Variants in TMTC2 observed in about 807,000 individuals in gnomAD.
TMTC2 encodes the protein protein O-mannosyl-transferase TMTC2.
In TMTC2, 43 loss-of-function variants were observed where a neutral mutation model predicts 82.4. The observed-to-expected ratio is 0.52, with a 90% CI of 0.41 to 0.67. The LOEUF is 0.67. Ranked by LOEUF, TMTC2 falls within the 30% of genes least tolerant of loss-of-function variation. The probability of loss-of-function intolerance (pLI) is 0.00; values close to 1 mark genes in which losing one functional copy is unlikely to be tolerated. For synonymous variants in TMTC2, 408 were observed against 381.9 expected, an observed-to-expected ratio of 1.07 and a Z score of -0.80; for missense variants, 919 against 1,012.4, an observed-to-expected ratio of 0.91 and a Z score of 1.25.
chr12:83,065,563 A>G (rs893820377), intron 11 of TMTC2, among the ~76,000 whole-genome samples: 1 of 151,954 alleles, frequency 6.6e-6, no homozygotes, highest in Non-Finnish European at 1.5e-5. Flanking sequence ...AAACCTTATA[A>G]TACATTAAAA....
intron 1 of TMTC2, among the ~76,000 whole-genome samples, chr12:82,816,683 G>A (rs1868752787): frequency 6.6e-6 from 1 of 152,062 alleles, no homozygotes; most frequent in African/African-American, 2.4e-5. Context: ...GCAAAGATTA[G>A]GAGGAGAGGA....
At position 83,132,194 on chromosome 12, in the gene TMTC2, C is replaced by T. The variant is rs1254986603; in HGVS notation, c.2332-16C>T. The T allele has an allele frequency of 6.3e-7, 1 of 1,578,626 alleles. No homozygotes were observed. The highest frequency in any genetic ancestry group is 2.3e-5 in the East Asian group (1 of 44,010). ...AAATGGCCTCCTAATTGTTTTCCTT[C>T]TTTCTCTTGTTGCAGTATCCGGCTG... On this transcript the variant is annotated splice_polypyrimidine_tract_variant and intron_variant, in intron 11 of 11. Coordinates refer to ENST00000321196, the MANE Select transcript of TMTC2 (RefSeq NM_152588.3).
intron 1 of TMTC2, among the ~76,000 whole-genome samples, chr12:82,742,004 G>C (rs1875434364): frequency 6.6e-6 from 1 of 152,142 alleles, no homozygotes; most frequent in African/African-American, 2.4e-5. Flanking sequence ...CCTTCTCCCA[G>C]TCATCATGTA....
chr12:82,788,196 G>T (rs114647901), intron 1 of TMTC2, among the ~76,000 whole-genome samples: 222 of 151,940 alleles, frequency 1.5e-3, no homozygotes, highest in African/African-American at 5.2e-3. Flanking sequence ...TATTATTTTG[G>T]CAACATCTTT....
chr12:82,973,826 A>G (rs2137317117), intron 7 of TMTC2, among the ~76,000 whole-genome samples: 1 of 151,990 alleles, frequency 6.6e-6, no homozygotes, highest in South Asian at 2.1e-4. Context: ...GTAGGTCTAA[A>G]TGTCACTTGC....
At chr12:82,837,378 C>G (rs911319848) in intron 1 of TMTC2, among the ~76,000 whole-genome samples, 1 of 152,116 alleles carries the variant, frequency 6.6e-6, no homozygotes, top group Non-Finnish European at 1.5e-5. Context: ...GAGGCTGAGG[C>G]TGGATGATCC....
intron 4 of TMTC2, among the ~76,000 whole-genome samples, chr12:82,940,802 G>C (rs1001320747): frequency 6.6e-6 from 1 of 151,518 alleles, no homozygotes; most frequent in Non-Finnish European, 1.5e-5. Context: ...GAGGTTTCTG[G>C]ATACCTCTCC....
chr12:82,980,871 A>T (rs1878885820), intron 7 of TMTC2, among the ~76,000 whole-genome samples: 1 of 151,878 alleles, frequency 6.6e-6, no homozygotes, highest in African/African-American at 2.4e-5. Context: ...TGTCTATGTT[A>T]CTACATTTTT....
chr12:82,832,450 A>T (rs1184963055), intron 1 of TMTC2, among the ~76,000 whole-genome samples: 1 of 152,010 alleles, frequency 6.6e-6, no homozygotes, highest in Non-Finnish European at 1.5e-5. Flanking sequence ...ATATTATACT[A>T]TTGTACACTG....
At chr12:82,776,808 C>T (rs955201116) in intron 1 of TMTC2, among the ~76,000 whole-genome samples, 1 of 151,970 alleles carries the variant, frequency 6.6e-6, no homozygotes. Context: ...GGTTGTGGCT[C>T]ACACCTGTAG....
At chr12:83,031,016 C>A in intron 9 of TMTC2, 137 bp downstream of exon 9, 1 of 599,216 alleles carries the variant, frequency 1.7e-6, no homozygotes, top group East Asian at 2.8e-5. Flanking sequence ...ATGCTATATT[C>A]CTACCTTCTC....
At chr12:82,842,349 A>C (rs11115458) in intron 1 of TMTC2, among the ~76,000 whole-genome samples, 33,840 of 152,056 alleles carry the variant, frequency 0.22, 8,841 homozygotes, top group African/African-American at 0.64. Flanking sequence ...GGCCCCATTG[A>C]GTGATTCAAA....
chr12:82,770,056 GTTTAA>G (rs1877203155), intron 1 of TMTC2, among the ~76,000 whole-genome samples: 1 of 152,122 alleles, frequency 6.6e-6, no homozygotes, highest in African/African-American at 2.4e-5. Context: ...TACTACGAGA[GTTTAA>G]TTTGTGTGTG....
chr12:82,744,227 C>G (rs1235116061), intron 1 of TMTC2, among the ~76,000 whole-genome samples: 5 of 152,172 alleles, frequency 3.3e-5, no homozygotes, highest in Non-Finnish European at 7.3e-5. Context: ...TGAGACCATT[C>G]TCGCCAACCA....
chr12:82,711,923 A>G (rs1212933527), intron 1 of TMTC2, among the ~76,000 whole-genome samples: 1 of 152,184 alleles, frequency 6.6e-6, no homozygotes, highest in Non-Finnish European at 1.5e-5. Context: ...CTCCTCTTAG[A>G]GAGAAGTGAA....
At chr12:82,956,244 T>C (rs955527015) in intron 4 of TMTC2, among the ~76,000 whole-genome samples, 3 of 152,102 alleles carry the variant, frequency 2.0e-5, no homozygotes, top group Non-Finnish European at 2.9e-5. Context: ...TAATCATTAA[T>C]GTAAGTGGTC....
At chr12:82,940,277 A>G (rs1876640369) in intron 4 of TMTC2, among the ~76,000 whole-genome samples, 1 of 151,926 alleles carries the variant, frequency 6.6e-6, no homozygotes, top group Non-Finnish European at 1.5e-5. Context: ...TTGGCCTCCC[A>G]AAGTGCTGGG....
chr12:83,046,958 A>C (rs1882166460), intron 9 of TMTC2, among the ~76,000 whole-genome samples: 1 of 152,354 alleles, frequency 6.6e-6, no homozygotes, highest in Non-Finnish European at 1.5e-5. Flanking sequence ...AATCATAAGC[A>C]ATCCTAACAT....
chr12:82,885,126 C>G (rs969310521), intron 2 of TMTC2, among the ~76,000 whole-genome samples: 1 of 150,268 alleles, frequency 6.7e-6, no homozygotes, highest in Non-Finnish European at 1.5e-5. Flanking sequence ...TGGTCTCGAA[C>G]TCCTGAACTC....
Sources: allele counts gnomAD v4.1 joint callset (sites outside exome capture counted in the v4.1 genomes callset), GRCh38; gene constraint gnomAD v4.1.1; transcripts MANE v1.5; gene names NCBI Gene and HGNC (gene_info 2026-07-23, HGNC 2026-07-21).